The following KIF16B variants were observed in gnomAD, a reference collection of about 807,000 sequenced individuals.
KIF16B encodes the protein kinesin family member 16B.
In KIF16B, 98 loss-of-function variants were observed where a neutral mutation model predicts 156.3. The observed-to-expected ratio is 0.63, with a 90% CI of 0.53 to 0.74. KIF16B has a LOEUF of 0.74. Among genes scored for constraint, KIF16B ranks in the 30% least tolerant of loss-of-function variants. The pLI, the probability that KIF16B is intolerant of heterozygous loss-of-function variation, is 0.00. For synonymous variants in KIF16B, 564 were observed against 583.7 expected, an observed-to-expected ratio of 0.97 and a Z score of 0.49; for missense variants, 1,421 against 1,606.5, an observed-to-expected ratio of 0.88 and a Z score of 1.97.
At chr20:16,337,797 T>C (rs1482154916) in intron 23 of KIF16B, among the ~76,000 whole-genome samples, 1 of 152,170 alleles carries the variant, frequency 6.6e-6, no homozygotes, top group Non-Finnish European at 1.5e-5. Flanking sequence ...CAGTCTTGGC[T>C]GGACACAAAC....
intron 6 of KIF16B, 52 bp downstream of exon 6, chr20:16,511,366 T>C: frequency 1.0e-6 from 1 of 1,004,852 alleles, no homozygotes; most frequent in Admixed American, 2.4e-5. Context: ...TTGAAAGTGT[T>C]ATTTTTACAT....
chr20:16,509,755 T>C (rs1260888940), intron 6 of KIF16B, among the ~76,000 whole-genome samples: 1 of 152,244 alleles, frequency 6.6e-6, no homozygotes, highest in Non-Finnish European at 1.5e-5. Flanking sequence ...ATATTTTTCC[T>C]ATTTTGTAAT....
chr20:16,352,028 G>A (rs1042909276), intron 23 of KIF16B, among the ~76,000 whole-genome samples: 25 of 152,204 alleles, frequency 1.6e-4, no homozygotes, highest in African/African-American at 5.3e-4. Context: ...GATAAATGCC[G>A]TTGGATCCCC....
rs542619220 is a variant in KIF16B, at chr20:16,487,239, G to A, written c.1302+7052C>T. ...TGCACTCCAGCCTGGGTGACAGATCGAGACTCCATCTCAAAAAAAAAAAGA... is the reference window on the plus strand; with the variant it reads ...TGCACTCCAGCCTGGGTGACAGATCAAGACTCCATCTCAAAAAAAAAAAGA... On this transcript the variant is annotated intron_variant, in intron 12 of 25. Coordinates refer to ENST00000354981, the MANE Select transcript of KIF16B (RefSeq NM_024704.5). Among the ~76,000 whole-genome samples, 152 of 149,688 alleles carry A rather than the reference G, an allele frequency of 1.0e-3. No homozygotes were observed. In the Middle Eastern group the frequency reaches 0.014, roughly 13 times the overall value.
chr20:16,315,965 T>C (rs1380007220), intron 24 of KIF16B, among the ~76,000 whole-genome samples: 1 of 152,206 alleles, frequency 6.6e-6, no homozygotes, highest in Non-Finnish European at 1.5e-5. Context: ...CCCATTAATA[T>C]AATGATATTT....
chr20:16,491,823 A>G (rs2068301194), intron 12 of KIF16B, among the ~76,000 whole-genome samples: 3 of 152,170 alleles, frequency 2.0e-5, no homozygotes, highest in Non-Finnish European at 2.9e-5. Context: ...TTCATTCAAC[A>G]GGACCGTGGA....
intron 3 of KIF16B, 88 bp downstream of exon 3, chr20:16,526,004 G>T: frequency 2.8e-6 from 2 of 705,576 alleles, no homozygotes; most frequent in South Asian, 2.5e-5. Flanking sequence ...GAAAGAAATT[G>T]GCAAGATATT....
intron 24 of KIF16B, among the ~76,000 whole-genome samples, chr20:16,322,267 A>ACCG (rs1465981433): frequency 6.6e-6 from 1 of 151,982 alleles, no homozygotes; most frequent in African/African-American, 2.4e-5. Flanking sequence ...TTTCCAATGA[A>ACCG]ATTTGTCTTT....
intron 1 of KIF16B, among the ~76,000 whole-genome samples, chr20:16,554,981 G>C (rs890906043): frequency 6.6e-6 from 1 of 152,208 alleles, no homozygotes; most frequent in East Asian, 1.9e-4. Flanking sequence ...CTCCATGCCT[G>C]GCTTGCCCTT....
intron 18 of KIF16B, among the ~76,000 whole-genome samples, chr20:16,381,135 A>G (rs1159939412): frequency 2.0e-5 from 3 of 152,200 alleles, no homozygotes; most frequent in Non-Finnish European, 4.4e-5. Context: ...TCAGGTAAAG[A>G]ATTATTTCAG....
At chr20:16,395,039 C>G (rs2065457632) in intron 17 of KIF16B, among the ~76,000 whole-genome samples, 1 of 151,014 alleles carries the variant, frequency 6.6e-6, no homozygotes, top group Non-Finnish European at 1.5e-5. Context: ...TGTCTGTTTT[C>G]TGGAAGTGTA....
intron 17 of KIF16B, among the ~76,000 whole-genome samples, chr20:16,392,152 C>T (rs569969250): frequency 2.0e-5 from 3 of 152,302 alleles, no homozygotes; most frequent in African/African-American, 7.2e-5. Flanking sequence ...AGCCCTCAGC[C>T]TTTCCGGCCA....
intron 15 of KIF16B, among the ~76,000 whole-genome samples, chr20:16,411,308 T>G (rs969480716): frequency 6.6e-6 from 1 of 151,814 alleles, no homozygotes; most frequent in Non-Finnish European, 1.5e-5. Context: ...TGTTTTTCTA[T>G]TTTTCATTTA....
At chr20:16,354,264 T>C (rs1339853557) in intron 23 of KIF16B, among the ~76,000 whole-genome samples, 1 of 152,220 alleles carries the variant, frequency 6.6e-6, no homozygotes, top group Non-Finnish European at 1.5e-5. Flanking sequence ...TATTAACACA[T>C]TTATCTGTTA....
chr20:16,328,146 C>T (rs2063888201), intron 24 of KIF16B, among the ~76,000 whole-genome samples: 1 of 152,148 alleles, frequency 6.6e-6, no homozygotes, highest in Non-Finnish European at 1.5e-5. Flanking sequence ...AACCTCTTGC[C>T]TAGTCGTTTT....
At chr20:16,362,793 G>A (rs1358507600) in intron 22 of KIF16B, among the ~76,000 whole-genome samples, 2 of 152,138 alleles carry the variant, frequency 1.3e-5, no homozygotes, top group African/African-American at 2.4e-5. Flanking sequence ...AACAAAATAT[G>A]AGCAAGAAGT....
At chr20:16,418,724 C>A (rs2066152915) in intron 15 of KIF16B, among the ~76,000 whole-genome samples, 1 of 152,152 alleles carries the variant, frequency 6.6e-6, no homozygotes, top group African/African-American at 2.4e-5. Flanking sequence ...TTTGTTCACG[C>A]AACTCATGTA....
At position 16,379,359 on chromosome 20, in the gene KIF16B, A is replaced by G. The variant is rs779590264; in HGVS notation, c.2643T>C (p.Ser881=). Residue 881 remains serine, a synonymous_variant, in exon 19 of 26, where the codon AGT becomes AGC. Coordinates refer to ENST00000354981, the MANE Select transcript of KIF16B (RefSeq NM_024704.5). ...GAGGCACTTCCGTGACATCTGTGAC[A>G]CTCTCATCATGTTTTTCCAACAATC... is the stretch of plus-strand genomic sequence containing the variant. ...ESRLLEKHDE[S]VTDVTEVPQD... 3.1e-6 allele frequency: 5 copies of G among 1,603,808 alleles called. No homozygotes were observed. In the East Asian group the frequency reaches 1.1e-4, roughly 36 times the overall value.
chr20:16,429,660 T>C (rs546699937), intron 13 of KIF16B, among the ~76,000 whole-genome samples: 49 of 152,318 alleles, frequency 3.2e-4, no homozygotes, highest in Non-Finnish European at 5.3e-4. Flanking sequence ...GCTCATCATT[T>C]AACTTTAGAT....
Sources: allele counts gnomAD v4.1 joint callset (sites outside exome capture counted in the v4.1 genomes callset), GRCh38; gene constraint gnomAD v4.1.1; transcripts MANE v1.5; gene names NCBI Gene and HGNC (gene_info 2026-07-23, HGNC 2026-07-21).